TPTE: variants seen among roughly 807,000 people sequenced by gnomAD.
TPTE encodes the protein transmembrane phosphatase with tensin homology.
TPTE carries 59 observed loss-of-function variants against 84.1 expected under a neutral mutation model. That is an observed-to-expected ratio of 0.70 (90% CI 0.57 to 0.87). The LOEUF (loss-of-function observed/expected upper bound fraction) is 0.87, where lower values mean the gene tolerates loss of function less well. TPTE is among the 40% of genes least tolerant of loss of function. The probability of loss-of-function intolerance (pLI) is 0.00; values close to 1 mark genes in which losing one functional copy is unlikely to be tolerated. For synonymous variants in TPTE, 130 were observed against 223.5 expected (o/e 0.58, Z 3.73); for missense variants, 382 against 659.6 (o/e 0.58, Z 4.61).
At chr21:10,547,836 C>G (rs911949299) in intron 7 of TPTE, among the ~76,000 whole-genome samples, 4 of 152,310 alleles carry the variant, frequency 2.6e-5, no homozygotes, top group Admixed American at 2.6e-4. Context: ...CACCACACTT[C>G]CAGACAGAGG....
chr21:10,558,222 G>T (rs1029506641), intron 8 of TPTE, among the ~76,000 whole-genome samples: 2 of 152,306 alleles, frequency 1.3e-5, no homozygotes, highest in Non-Finnish European at 2.9e-5. Context: ...ACATTCATAT[G>T]CATGTATCTT....
chr21:10,599,323 G>T (rs1472462546), intron 21 of TPTE, among the ~76,000 whole-genome samples: 1 of 152,430 alleles, frequency 6.6e-6, no homozygotes, highest in Admixed American at 6.5e-5. Flanking sequence ...CTAGATTTCC[G>T]CAGTGGTCTC....
chr21:10,592,863 T>C (rs1430467463), intron 19 of TPTE, among the ~76,000 whole-genome samples: 3 of 151,938 alleles, frequency 2.0e-5, no homozygotes, highest in Non-Finnish European at 4.4e-5. Context: ...GGAGGTGTAT[T>C]TTAAAAGAGA....
intron 21 of TPTE, among the ~76,000 whole-genome samples, chr21:10,598,889 C>T (rs1336801147): frequency 6.6e-6 from 1 of 152,304 alleles, no homozygotes; most frequent in South Asian, 2.1e-4. Context: ...TTTTTGGCCT[C>T]TCCCGACTGA....
At chr21:10,556,833 A>G (rs1277156760) in intron 8 of TPTE, among the ~76,000 whole-genome samples, 2 of 152,310 alleles carry the variant, frequency 1.3e-5, no homozygotes, top group Non-Finnish European at 2.9e-5. Context: ...GGCTGCATAA[A>G]TGTCTTCTTT....
Position 10,600,057 on chromosome 21 carries a change from A to C in TPTE, c.1356+1963A>C, listed in dbSNP as rs571456375. On this transcript the variant is annotated intron_variant, in intron 21 of 23. Coordinates refer to ENST00000618007, the MANE Select transcript of TPTE (RefSeq NM_199261.4). ...TGGGCTCAAGCAGCCTGTCCACCTC[A>C]GCCTCACAAGATGCTGGGATTATAA... 3.3e-5 allele frequency among the ~76,000 whole-genome samples: 5 copies of C among 152,398 alleles called. No individual in the cohort carries two copies. The South Asian group carries it at 8.3e-4, about 25-fold the overall frequency.
chr21:10,544,405 G>C (rs1253772287), intron 7 of TPTE, among the ~76,000 whole-genome samples: 1 of 152,310 alleles, frequency 6.6e-6, no homozygotes, highest in Non-Finnish European at 1.5e-5. Context: ...TGTATTTTTT[G>C]AGATGAAGTC....
At chr21:10,554,828 A>G (rs1424389206) in intron 8 of TPTE, among the ~76,000 whole-genome samples, 1 of 152,312 alleles carries the variant, frequency 6.6e-6, no homozygotes, top group African/African-American at 2.4e-5. Flanking sequence ...TAAAGTGTAG[A>G]AATTTACTTT....
At chr21:10,525,929 G>C (rs2074070329) in intron 2 of TPTE, among the ~76,000 whole-genome samples, 1 of 152,310 alleles carries the variant, frequency 6.6e-6, no homozygotes, top group Non-Finnish European at 1.5e-5. Flanking sequence ...ACCTGAATCT[G>C]GAGTAATTTG....
At chr21:10,572,060 G>T (rs1277697086) in intron 14 of TPTE, among the ~76,000 whole-genome samples, 1 of 152,308 alleles carries the variant, frequency 6.6e-6, no homozygotes, top group African/African-American at 2.4e-5. Context: ...GGAGAGATAT[G>T]GCCAAAATCT....
intron 10 of TPTE, among the ~76,000 whole-genome samples, chr21:10,566,926 G>A (rs59736382): frequency 4.9e-3 from 732 of 150,322 alleles, no homozygotes; most frequent in African/African-American, 0.017. Flanking sequence ...GCAGTGAGCC[G>A]AGATCACGCC....
chr21:10,532,662 TTG>T (rs1205351334), intron 3 of TPTE, among the ~76,000 whole-genome samples: 9 of 152,296 alleles, frequency 5.9e-5, no homozygotes, highest in Non-Finnish European at 1.0e-4. Flanking sequence ...TATTGCTTCA[TTG>T]TATCCTACAA....
At chr21:10,530,027 C>T (rs1487719835) in intron 3 of TPTE, among the ~76,000 whole-genome samples, 3 of 152,414 alleles carry the variant, frequency 2.0e-5, no homozygotes, top group East Asian at 3.9e-4. Context: ...TAAATTCTTA[C>T]ATTATTTCAA....
intron 3 of TPTE, among the ~76,000 whole-genome samples, chr21:10,537,014 C>A (rs1412111292): frequency 6.6e-6 from 1 of 152,312 alleles, no homozygotes; most frequent in Non-Finnish European, 1.5e-5. Flanking sequence ...CACTACAAGC[C>A]CACACCCATC....
chr21:10,566,479 A>G (rs979954158), intron 10 of TPTE, among the ~76,000 whole-genome samples: 2 of 152,310 alleles, frequency 1.3e-5, no homozygotes, highest in African/African-American at 2.4e-5. Flanking sequence ...TAGAACTACC[A>G]TATGATCCAG....
intron 3 of TPTE, among the ~76,000 whole-genome samples, chr21:10,528,884 T>A (rs1568950660): frequency 6.6e-6 from 1 of 152,308 alleles, no homozygotes. Context: ...AATGCTGGTG[T>A]GTTTGTCAAA....
chr21:10,526,429 A>G (rs1353167632), intron 2 of TPTE, among the ~76,000 whole-genome samples: 5 of 152,308 alleles, frequency 3.3e-5, no homozygotes, highest in Non-Finnish European at 5.9e-5. Flanking sequence ...ACCATTTAAT[A>G]TATTGTTTCC....
At chr21:10,535,434 C>T (rs1413536117) in intron 3 of TPTE, among the ~76,000 whole-genome samples, 1 of 152,304 alleles carries the variant, frequency 6.6e-6, no homozygotes, top group Admixed American at 6.5e-5. Context: ...CTTGGAAATA[C>T]AGAATATCTT....
chr21:10,549,103 A>G, intron 7 of TPTE, among the ~76,000 whole-genome samples: 1 of 152,310 alleles, frequency 6.6e-6, no homozygotes, highest in Non-Finnish European at 1.5e-5. Flanking sequence ...AGTAACTTGC[A>G]AATGTTACTA....
Sources: allele counts gnomAD v4.1 joint callset (sites outside exome capture counted in the v4.1 genomes callset), GRCh38; gene constraint gnomAD v4.1.1; transcripts MANE v1.5; gene names NCBI Gene and HGNC (gene_info 2026-07-23, HGNC 2026-07-21).